The following RHOBTB1 variants were observed in gnomAD, a reference collection of about 807,000 sequenced individuals.
The protein encoded by RHOBTB1 is rho-related BTB domain-containing protein 1.
In RHOBTB1, 40 loss-of-function variants were observed where a neutral mutation model predicts 71.6. The ratio of observed to expected loss-of-function variants is 0.56; its 90% confidence interval spans 0.43 to 0.73. The LOEUF (loss-of-function observed/expected upper bound fraction) is 0.73. Ranked by LOEUF, RHOBTB1 falls within the 30% of genes least tolerant of loss-of-function variation. The pLI, the probability that RHOBTB1 is intolerant of heterozygous loss-of-function variation, is 0.00. For synonymous variants in RHOBTB1, 319 were observed against 334.9 expected, an observed-to-expected ratio of 0.95 and a Z score of 0.52; for missense variants, 797 against 894.0, an observed-to-expected ratio of 0.89 and a Z score of 1.38.
intron 1 of RHOBTB1, among the ~76,000 whole-genome samples, chr10:60,990,735 C>T (rs2086835649): frequency 6.6e-6 from 1 of 152,136 alleles, no homozygotes; most frequent in African/African-American, 2.4e-5. Flanking sequence ...GGTTTGATTT[C>T]CTCCAGGCAT....
In RHOBTB1 at chr10:60,871,194, A is replaced by G. The variant is rs1222034855; in HGVS notation, c.*288T>C. The G allele has an allele frequency of 3.5e-6, 1 of 287,064 alleles. No homozygotes were observed. The highest frequency in any genetic ancestry group is 2.2e-5 in the African/African-American group (1 of 45,986). The allele number at this position is 287,064 out of a possible 1,614,324, so 17.8% of individuals were successfully genotyped here. A position where few individuals can be genotyped will look rare whatever the true frequency, so the allele number is the denominator to read the frequency against. ...CTGAATTTTTTTTCTTTGTATAAAAAGAAACAAAATAACAGACTAAAGTTT... is the reference window on the plus strand; with the variant it reads ...CTGAATTTTTTTTCTTTGTATAAAAGGAAACAAAATAACAGACTAAAGTTT... On this transcript the variant is annotated 3_prime_UTR_variant, in exon 11 of 11. Transcript: ENST00000337910.
chr10:60,912,275 T>C (rs1038244281), intron 2 of RHOBTB1, among the ~76,000 whole-genome samples: 10 of 152,006 alleles, frequency 6.6e-5, no homozygotes, highest in Admixed American at 4.6e-4. Context: ...TCACCCAGGC[T>C]ACAGCACAAG....
intron 9 of RHOBTB1, among the ~76,000 whole-genome samples, chr10:60,873,193 A>G (rs1259749578): frequency 6.6e-6 from 1 of 152,172 alleles, no homozygotes; most frequent in Non-Finnish European, 1.5e-5. Context: ...TTGCTGTTAG[A>G]TTTCTCTCTG....
rs80020247 is a variant in RHOBTB1, at chr10:60,881,525, G to A, written c.1576-3467C>T. ...TGAAAACAATGCCTCTCGTGATAGCGCAAGAGCCTGGGGCAGGCCCAGGGA... is the reference window on the plus strand; with the variant it reads ...TGAAAACAATGCCTCTCGTGATAGCACAAGAGCCTGGGGCAGGCCCAGGGA... On this transcript the variant is annotated intron_variant, in intron 7 of 10. Coordinates refer to ENST00000337910, the MANE Select transcript of RHOBTB1 (RefSeq NM_014836.5). Among the ~76,000 whole-genome samples the A allele has an allele frequency of 1.7e-4, 26 of 152,244 alleles. 1 individual carries two copies. In the East Asian group the frequency reaches 3.7e-3, roughly 22 times the overall value.
At chr10:60,956,286 T>A (rs1299301995) in intron 2 of RHOBTB1, among the ~76,000 whole-genome samples, 1 of 152,164 alleles carries the variant, frequency 6.6e-6, no homozygotes, top group African/African-American at 2.4e-5. Flanking sequence ...GGTATGCCTG[T>A]ATAGGGCATT....
chr10:60,915,831 G>A (rs994905793), intron 2 of RHOBTB1, among the ~76,000 whole-genome samples: 2 of 152,102 alleles, frequency 1.3e-5, no homozygotes, highest in Non-Finnish European at 2.9e-5. Flanking sequence ...CCCACACAGC[G>A]TTCTTGGGCC....
At chr10:60,941,164 A>G (rs1441396460) in intron 2 of RHOBTB1, among the ~76,000 whole-genome samples, 1 of 152,210 alleles carries the variant, frequency 6.6e-6, no homozygotes, top group Non-Finnish European at 1.5e-5. Flanking sequence ...CAGTTTCCCT[A>G]CTGGAAAACA....
chr10:60,875,293 G>A (rs2080999233), intron 8 of RHOBTB1, among the ~76,000 whole-genome samples: 1 of 152,188 alleles, frequency 6.6e-6, no homozygotes, highest in South Asian at 2.1e-4. Flanking sequence ...GAATCCTCCA[G>A]TCCTGCAATG....
chr10:60,863,885 G>A, the RHOBTB1 span, among the ~76,000 whole-genome samples: 1 of 152,046 alleles, frequency 6.6e-6, no homozygotes, highest in African/African-American at 2.4e-5. Context: ...TGTGTTCTTT[G>A]GTTTGCCTTT....
Position 60,886,120 on chromosome 10 carries a change from T to G in RHOBTB1, c.1567A>C (p.Asn523His). Residue 523 changes from asparagine to histidine, a missense_variant, in exon 7 of 11, where the codon AAC becomes CAC. Transcript: ENST00000337910. Reference sequence around the variant, plus strand: ...TTTAGGAAGGCACGTACCTCACTGTTGGCACTTTCCACAAATGACCCCCCG... The same window carrying G: ...TTTAGGAAGGCACGTACCTCACTGTGGGCACTTTCCACAAATGACCCCCCG... The part of the protein sequence containing the change: ...MFGGSFVESA[N>H]SEVYLPNINK... The G allele has an allele frequency of 6.2e-7, 1 of 1,612,986 alleles. No individual in the cohort carries two copies. The highest frequency in any genetic ancestry group is 8.5e-7 in the Non-Finnish European group (1 of 1,178,952).
chr10:60,926,988 C>T lies in RHOBTB1; in HGVS notation c.-11+14816G>A, dbSNP rs1565003393. Among the ~76,000 whole-genome samples the T allele has an allele frequency of 2.0e-5, 3 of 152,024 alleles. No homozygotes were observed. The East Asian group carries it at 5.8e-4, about 29-fold the overall frequency. On this transcript the variant is annotated intron_variant, in intron 2 of 10. Transcript: ENST00000337910. The stretch of plus-strand genomic sequence containing the variant: ...TATATTTAGGAGACACTAAAGATCC[C>T]ACAAAAAACTATCAGAACTGATAAA...
At chr10:61,000,348 T>C (rs1466789486) in intron 1 of RHOBTB1, among the ~76,000 whole-genome samples, 1 of 152,044 alleles carries the variant, frequency 6.6e-6, no homozygotes, top group African/African-American at 2.4e-5. Flanking sequence ...GAAACACTAG[T>C]AATAAAAAAT....
At position 60,888,657 on chromosome 10, in the gene RHOBTB1, C is replaced by G. The variant is rs768772830; in HGVS notation, c.1011G>C (p.Pro337=). 107 of 1,614,094 alleles carry G rather than the reference C, an allele frequency of 6.6e-5. No individual in the cohort carries two copies. The highest frequency in any genetic ancestry group is 7.8e-5 in the Non-Finnish European group (92 of 1,180,050). ...VDPEEEREEG[P]PRIPQADQWK... ...ACTGGTCGGCCTGAGGAATCCTAGG[C>G]GGGCCCTCCTCCCTTTCTTCCTCTG... is the stretch of plus-strand genomic sequence containing the variant. Residue 337 remains proline (P), a synonymous_variant, in exon 6 of 11, where the codon CCG becomes CCC. Transcript: ENST00000337910.
chr10:60,904,545 C>A (rs1194245370), intron 4 of RHOBTB1, among the ~76,000 whole-genome samples: 2 of 152,044 alleles, frequency 1.3e-5, no homozygotes, highest in Admixed American at 1.3e-4. Context: ...TTTTGCTTGG[C>A]GTCCCTTACT....
In RHOBTB1 at chr10:60,888,213, C is replaced by G. The variant is rs200950035; in HGVS notation, c.1455G>C (p.Ser485=). The G allele has an allele frequency of 3.7e-5, 59 of 1,611,192 alleles. No homozygotes were observed. The highest frequency in any genetic ancestry group is 4.9e-5 in the Non-Finnish European group (58 of 1,178,022). ...GGCTCTGCCCCGCGGCCCACTCACC[C>G]GAGAACGTTCCCTTGCTGAGACACT... ...IKECLSKGTF[S]DVTFKLDDGA... is the part of the protein sequence containing the mutation. The change falls in exon 6 of 11, where the codon TCG becomes TCC. Residue 485 remains serine, a splice_region_variant and synonymous_variant. Transcript: ENST00000337910.
At chr10:60,982,869 G>A (rs371885548) in intron 2 of RHOBTB1, among the ~76,000 whole-genome samples, 19 of 152,228 alleles carry the variant, frequency 1.2e-4, no homozygotes, top group African/African-American at 4.1e-4. Flanking sequence ...TTTCATGTGC[G>A]TTTCATTTGC....
At chr10:60,948,972 T>G (rs1393494512), upstream of RHOBTB1, among the ~76,000 whole-genome samples, 3 of 152,188 alleles carry the variant, frequency 2.0e-5, no homozygotes, top group African/African-American at 7.2e-5. Flanking sequence ...ACAAATCATT[T>G]TACATGTTAG....
At chr10:60,953,203 C>T (rs938516114) in intron 2 of RHOBTB1, among the ~76,000 whole-genome samples, 1 of 152,094 alleles carries the variant, frequency 6.6e-6, no homozygotes, top group African/African-American at 2.4e-5. Context: ...GTGAGTGTAT[C>T]GTTTGTTCTC....
chr10:60,987,149 A>G (rs957187779), intron 1 of RHOBTB1, among the ~76,000 whole-genome samples: 3 of 152,222 alleles, frequency 2.0e-5, no homozygotes, highest in Non-Finnish European at 4.4e-5. Context: ...AACAAATCAC[A>G]GCATGAGGCC....
Sources: allele counts gnomAD v4.1 joint callset (sites outside exome capture counted in the v4.1 genomes callset), GRCh38; gene constraint gnomAD v4.1.1; transcripts MANE v1.5; gene names NCBI Gene and HGNC (gene_info 2026-07-23, HGNC 2026-07-21).